Variants in RSF1 observed in about 807,000 individuals in gnomAD.
RSF1 encodes HBV pX-associated protein 8.
In RSF1, 13 loss-of-function variants were observed where a neutral mutation model predicts 145.2. The observed-to-expected ratio is 0.09, with a 90% CI of 0.06 to 0.14. The LOEUF (loss-of-function observed/expected upper bound fraction) is 0.14. Ranked by LOEUF, RSF1 falls within the 10% of genes least tolerant of loss-of-function variation. The probability of loss-of-function intolerance (pLI) is 1.00; values close to 1 mark genes in which losing one functional copy is unlikely to be tolerated. For missense variants in RSF1, 1,517 were observed against 1,718.2 expected (o/e 0.88, Z 2.07); for synonymous variants, 577 against 592.6 (o/e 0.97, Z 0.38).
the RSF1 span, among the ~76,000 whole-genome samples, chr11:77,848,183 A>C: frequency 6.6e-6 from 1 of 152,204 alleles, no homozygotes; most frequent in African/African-American, 2.4e-5. Flanking sequence ...AAAGATACTT[A>C]TGTGGGACAG....
chr11:77,858,908 A>G, the RSF1 span, among the ~76,000 whole-genome samples: 5 of 152,160 alleles, frequency 3.3e-5, no homozygotes, highest in Non-Finnish European at 5.9e-5. Context: ...GAGGTTAGAG[A>G]TACAGGGATT....
chr11:77,821,564 T>C (rs983727626), upstream of RSF1, among the ~76,000 whole-genome samples: 9 of 151,948 alleles, frequency 5.9e-5, no homozygotes, highest in African/African-American at 2.2e-4. Context: ...GAAGAGGATC[T>C]GAGGAGACCA....
intron 15 of RSF1, among the ~76,000 whole-genome samples, chr11:77,668,318 G>A (rs1959426044): frequency 6.6e-6 from 1 of 152,200 alleles, no homozygotes; most frequent in Admixed American, 6.5e-5. Context: ...AGATTTCTTG[G>A]GGGAAGATGT....
At chr11:77,740,183 C>A (rs1222934127) in intron 4 of RSF1, among the ~76,000 whole-genome samples, 2 of 152,100 alleles carry the variant, frequency 1.3e-5, no homozygotes, top group Non-Finnish European at 2.9e-5. Context: ...CAAGACCAGC[C>A]TGACCAACAC....
In RSF1 at chr11:77,764,587, AT is replaced by A. The variant is rs768732392; in HGVS notation, c.279+10del. 3 of 1,473,018 alleles carry A rather than the reference AT, an allele frequency of 2.0e-6. No individual in the cohort carries two copies. The highest frequency in any genetic ancestry group is 2.8e-6 in the Non-Finnish European group (3 of 1,055,672). The allele number at this position is 1,473,018 out of a possible 1,614,324, so 91.2% of individuals were successfully genotyped here. On this transcript the variant is annotated intron_variant, in intron 2 of 15. Transcript: ENST00000308488. ...CAGTAATAGAGCAGGAAATTTACAA[AT>A]ACTAGTTACCTTGATCAAATATTTT...
chr11:77,736,146 T>C (rs1961346942), intron 4 of RSF1, among the ~76,000 whole-genome samples: 1 of 152,228 alleles, frequency 6.6e-6, no homozygotes, highest in South Asian at 2.1e-4. Flanking sequence ...ACAACATCTA[T>C]CAGTCTTAAG....
At position 77,683,835 on chromosome 11, in the gene RSF1, A is replaced by T. The variant is rs1959932495; in HGVS notation, c.2956-16T>A. 6.3e-7 allele frequency: 1 copy of T among 1,575,168 alleles called. No homozygotes were observed. The highest frequency in any genetic ancestry group is 1.7e-5 in the Admixed American group (1 of 59,444). ...AGTCTGGCTCCTTAAAAAATATGATAATAAGCATAGAGGTTATTCCTTATG... is the reference window on the plus strand; with the variant it reads ...AGTCTGGCTCCTTAAAAAATATGATTATAAGCATAGAGGTTATTCCTTATG... On this transcript the variant is annotated splice_polypyrimidine_tract_variant and intron_variant, in intron 10 of 15. Transcript: ENST00000308488.
rs779405785 is a variant in RSF1, at chr11:77,667,357, A to G, written c.3886T>C (p.Ser1296Pro). 4 of 1,613,742 alleles carry G rather than the reference A, an allele frequency of 2.5e-6. No individual in the cohort carries two copies. The Admixed American group carries it at 6.7e-5, about 27-fold the overall frequency. Residue 1296 changes from serine (S) to proline (P), a missense_variant, in exon 16 of 16, where the codon TCC (serine) becomes CCC (proline). Physicochemically the swap from Ser to Pro is moderately conservative, Grantham distance 74. Around this residue, in one of 12 missense-constraint regions of RSF1, gnomAD observed 240 missense variants for 231.8 expected, o/e 1.04. Coordinates refer to ENST00000308488, the MANE Select transcript of RSF1 (RefSeq NM_016578.4). ...EEEEEEEGKP[S>P]RKRLHRIETD... ...TCAATCCGGTGTAGCCGTTTGCGGG[A>G]TGGTTTGCCTTCCTCTTCCTCCTCC...
At chr11:77,738,238 CACA>C (rs746630028) in intron 4 of RSF1, among the ~76,000 whole-genome samples, 1 of 152,170 alleles carries the variant, frequency 6.6e-6, no homozygotes, top group East Asian at 1.9e-4. Flanking sequence ...ATATATTCCT[CACA>C]ACAACTTTTT....
chr11:77,811,256 T>G (rs899665306), intron 1 of RSF1, among the ~76,000 whole-genome samples: 2 of 152,228 alleles, frequency 1.3e-5, no homozygotes, highest in Non-Finnish European at 2.9e-5. Context: ...AGGCTTTAAC[T>G]TCAAAGTTTT....
intron 1 of RSF1, among the ~76,000 whole-genome samples, chr11:77,774,537 A>C (rs1009756329): frequency 6.6e-6 from 1 of 151,656 alleles, no homozygotes; most frequent in Non-Finnish European, 1.5e-5. Flanking sequence ...GCATCACTGC[A>C]CTCCAGCCTG....
At chr11:77,669,815 T>C (rs1959472562) in intron 15 of RSF1, among the ~76,000 whole-genome samples, 1 of 152,192 alleles carries the variant, frequency 6.6e-6, no homozygotes, top group Non-Finnish European at 1.5e-5. Flanking sequence ...CAAATTGGTA[T>C]GGTAATCTTC....
intron 5 of RSF1, among the ~76,000 whole-genome samples, chr11:77,705,845 CCT>C (rs1960535060): frequency 6.6e-6 from 1 of 151,054 alleles, no homozygotes; most frequent in Non-Finnish European, 1.5e-5. Context: ...AAAGCAAGAC[CCT>C]GTCTCAAAAA....
rs770880430 is a variant in RSF1, at chr11:77,701,782, C to G, written c.1447G>C (p.Glu483Gln). The change falls in exon 6 of 16, where the codon GAG becomes CAG. Residue 483 changes from glutamate (E) to glutamine (Q), a missense_variant. By Grantham distance (29) the Glu-to-Gln change is conservative (BLOSUM62 2). Coordinates refer to ENST00000308488, the MANE Select transcript of RSF1 (RefSeq NM_016578.4). Reference protein sequence around the residue: ...SPSKDRNIITEGNGTESLNSV... With the variant: ...SPSKDRNIITQGNGTESLNSV... ...TTTAAGGACTCTGTTCCATTTCCCT[C>G]CGTGATGATATTTCTGTCCTTAGAG... 1 of 1,613,988 alleles carries G rather than the reference C, an allele frequency of 6.2e-7. No homozygotes were observed. Among genetic ancestry groups the G allele is most frequent in the East Asian group, 2.2e-5 (1 of 44,864 alleles).
the RSF1 span, among the ~76,000 whole-genome samples, chr11:77,867,481 C>T: frequency 6.6e-6 from 1 of 152,202 alleles, no homozygotes; most frequent in Admixed American, 6.5e-5. Flanking sequence ...CTGAATGAAA[C>T]TCCATGGAAC....
At chr11:77,826,686 C>A in the RSF1 span, among the ~76,000 whole-genome samples, 7 of 152,144 alleles carry the variant, frequency 4.6e-5, no homozygotes, top group African/African-American at 1.7e-4. Flanking sequence ...CACACCAGAC[C>A]CTATAACTGT....
upstream of RSF1, among the ~76,000 whole-genome samples, chr11:77,824,428 AGG>A (rs774085400): frequency 6.6e-6 from 1 of 152,122 alleles, no homozygotes; most frequent in Non-Finnish European, 1.5e-5. Flanking sequence ...ATGTCCTATT[AGG>A]GGGAAATATT....
upstream of RSF1, among the ~76,000 whole-genome samples, chr11:77,824,743 G>A (rs932495839): frequency 7.9e-5 from 12 of 152,250 alleles, no homozygotes; most frequent in Admixed American, 5.2e-4. Context: ...GGCACAAGGG[G>A]ACTTTGTAGA....
At chr11:77,812,384 T>A (rs1366425520) in intron 1 of RSF1, among the ~76,000 whole-genome samples, 3 of 152,168 alleles carry the variant, frequency 2.0e-5, no homozygotes, top group Admixed American at 2.0e-4. Flanking sequence ...GATAAACATG[T>A]ACAAATACTG....
Sources: allele counts gnomAD v4.1 joint callset (sites outside exome capture counted in the v4.1 genomes callset), GRCh38; gene constraint gnomAD v4.1.1; regional missense constraint gnomAD v4.1.1; transcripts MANE v1.5; gene names NCBI Gene and HGNC (gene_info 2026-07-23, HGNC 2026-07-21).